The following ANO7 variants were observed in gnomAD, a reference collection of about 807,000 sequenced individuals.
ANO7 encodes anoctamin 7.
A neutral mutation model predicts 115.8 loss-of-function variants in ANO7; 114 were observed. The observed-to-expected ratio is 0.98, with a 90% CI of 0.85 to 1.15. The LOEUF is 1.15. ANO7 is among the 50% of genes most tolerant of loss of function. The probability of loss-of-function intolerance (pLI) is 0.00; values close to 1 mark genes in which losing one functional copy is unlikely to be tolerated. For synonymous variants in ANO7, 550 were observed against 498.2 expected (o/e 1.10, Z -1.38); for missense variants, 1,302 against 1,201.2 (o/e 1.08, Z -1.24).
At position 241,224,383 on chromosome 2, in the gene ANO7, T is replaced by C. The variant is rs1309208767; in HGVS notation, c.*230T>C. The C allele has an allele frequency of 7.1e-6, 4 of 567,122 alleles. No individual in the cohort carries two copies. Among genetic ancestry groups the C allele is most frequent in the Non-Finnish European group, 1.3e-5 (4 of 319,642 alleles). 35.1% of individuals were successfully genotyped at this position (567,122 alleles called of 1,614,324 possible). On this transcript the variant is annotated 3_prime_UTR_variant, in exon 25 of 25. Coordinates refer to ENST00000674324, the MANE Select transcript of ANO7 (RefSeq NM_001370694.2). The stretch of plus-strand genomic sequence containing the variant: ...CGTCAGCTCACAAGGCCCTCTTTGT[T>C]TCCTGCTCCCAGACATAAGCCCAAG...
At chr2:241,219,451 G>A (rs1462374078) in intron 21 of ANO7, among the ~76,000 whole-genome samples, 3 of 151,936 alleles carry the variant, frequency 2.0e-5, no homozygotes, top group Non-Finnish European at 2.9e-5. Context: ...ACTTCTGGTG[G>A]ATGGGTAAAA....
chr2:241,219,556 A>C (rs2068957614), intron 21 of ANO7, among the ~76,000 whole-genome samples: 1 of 151,518 alleles, frequency 6.6e-6, no homozygotes, highest in African/African-American at 2.4e-5. Flanking sequence ...TATGTTTAGC[A>C]TACATTCTTT....
At chr2:241,216,865 CCTCT>C (rs1158484591) in intron 19 of ANO7, among the ~76,000 whole-genome samples, 6 of 152,162 alleles carry the variant, frequency 3.9e-5, no homozygotes, top group African/African-American at 1.4e-4. Context: ...ACGGAGTCTC[CCTCT>C]GTCGCCCAGG....
chr2:241,229,784 G>GGCCCCCCCCCCCCCC, downstream of ANO7: 1 of 1,502,548 alleles, frequency 6.7e-7, no homozygotes. Flanking sequence ...AAGCCCGCCT[G>GGCCCCCCCCCCCCCC]CCCGCCCACC....
chr2:241,212,258 C>A, intron 16 of ANO7, 53 bp downstream of exon 16: 2 of 1,507,102 alleles, frequency 1.3e-6, no homozygotes, highest in South Asian at 1.1e-5. Flanking sequence ...TAGTTCTGCT[C>A]ATGTTTCCCG....
downstream of ANO7, chr2:241,229,826 A>C (rs1559468436): frequency 2.0e-6 from 2 of 998,254 alleles, no homozygotes; most frequent in African/African-American, 1.8e-5. Context: ...AGAAGCCCGC[A>C]TCTGACCTTC....
At position 241,199,331 on chromosome 2, in the gene ANO7, G is replaced by A. The variant is rs777601769; in HGVS notation, c.325G>A (p.Gly109Arg). ...LCVDQQDVQD[G>R]NTTVHYALLS... is the part of the protein sequence containing the mutation. ...GTGCCTACAGCAGGACGTCCAGGAC[G>A]GGAACACCACAGTGCACTACGCCCT... The change falls in exon 5 of 25, where the codon GGG becomes AGG. Residue 109 changes from glycine (G) to arginine (R), a missense_variant. Coordinates refer to ENST00000674324, the MANE Select transcript of ANO7 (RefSeq NM_001370694.2). 34 of 1,613,554 alleles carry A rather than the reference G, an allele frequency of 2.1e-5. No homozygotes were observed. In the Middle Eastern group the frequency reaches 4.9e-4, roughly 23 times the overall value.
Position 241,210,369 on chromosome 2 carries a change from G to T in ANO7, c.1434G>T (p.Ser478=). The change falls in exon 14 of 25, where the codon TCG becomes TCT. Residue 478 remains serine, a synonymous_variant. Coordinates refer to ENST00000674324, the MANE Select transcript of ANO7 (RefSeq NM_001370694.2). The part of the protein sequence containing the change: ...RAIMAIVVSR[S]GNTLLAAWAS... ...TCATGGCCATCGTGGTGTCCAGGTCGGGCAACACCCTTCTCGCAGCCTGGG... is the reference window on the plus strand; with the variant it reads ...TCATGGCCATCGTGGTGTCCAGGTCTGGCAACACCCTTCTCGCAGCCTGGG... 6.2e-7 allele frequency: 1 copy of T among 1,614,034 alleles called. No homozygotes were observed.
At chr2:241,222,471 A>T (rs1032510994) in intron 21 of ANO7, among the ~76,000 whole-genome samples, 3 of 151,732 alleles carry the variant, frequency 2.0e-5, no homozygotes, top group Admixed American at 6.6e-5. Flanking sequence ...TCTCGTCGTC[A>T]CTGTCTCCCA....
In ANO7 at chr2:241,203,754, G is replaced by A. The variant is rs13410224; in HGVS notation, c.889+256G>A. Among the ~76,000 whole-genome samples, 35,956 of 151,782 alleles carry A rather than the reference G, an allele frequency of 0.24. 4,458 individuals carry two copies. Among genetic ancestry groups the A allele is most frequent in the Non-Finnish European group, 0.27 (18,008 of 67,852 alleles). On this transcript the variant is annotated intron_variant, in intron 9 of 24. Transcript: ENST00000674324. This position sits in a 1 kb window ranked among gnomAD's most constrained non-coding sequence, Gnocchi z 4.8. ...CTGAGAGCCGCTTCTGCTGGTGGGG[G>A]TCTCTCCTGACTCCCTCCCCGAATG...
At chr2:241,236,476 C>T in the ANO7 span, 6 of 832,678 alleles carry the variant, frequency 7.2e-6, no homozygotes, top group South Asian at 6.4e-5. Context: ...AGCCCGTGCG[C>T]ACACGGTAGG....
At chr2:241,190,239 C>A (rs1432873625) in intron 2 of ANO7, 68 bp downstream of exon 2, 1 of 1,375,764 alleles carries the variant, frequency 7.3e-7, no homozygotes. Flanking sequence ...ATGCCCCCAC[C>A]CTGGGCCCAG....
At chr2:241,239,510 C>CATACAGTATGAG in the ANO7 span, 1 of 1,029,994 alleles carries the variant, frequency 9.7e-7, no homozygotes. The surrounding 1 kb of genome is among the most constrained non-coding windows in gnomAD (Gnocchi z 4.6). Flanking sequence ...GAGGGAGTCA[C>CATACAGTATGAG]CTCCCTACAG....
At position 241,223,678 on chromosome 2, in the gene ANO7, T is replaced by C. The variant is rs780182086; in HGVS notation, c.2429T>C (p.Val810Ala). Reference protein sequence around the residue: ...VIVFEHVVFSVGRLLDLLVPD... With the variant: ...VIVFEHVVFSAGRLLDLLVPD... ...TGCTCCCAGCATGTGGTTTTCTCCGTTGGCCGCCTCCTGGACCTCCTGGTG... is the reference window on the plus strand; with the variant it reads ...TGCTCCCAGCATGTGGTTTTCTCCGCTGGCCGCCTCCTGGACCTCCTGGTG... Residue 810 changes from valine to alanine, a missense_variant, in exon 23 of 25, where the codon GTT becomes GCT. By Grantham distance (64) the Val-to-Ala change is moderately conservative. Transcript: ENST00000674324. 2 of 1,613,230 alleles carry C rather than the reference T, an allele frequency of 1.2e-6. No homozygotes were observed. Among genetic ancestry groups the C allele is most frequent in the Non-Finnish European group, 1.7e-6 (2 of 1,179,622 alleles).
intron 13 of ANO7, among the ~76,000 whole-genome samples, chr2:241,209,856 G>A (rs2068681049): frequency 6.6e-6 from 1 of 152,172 alleles, no homozygotes; most frequent in Admixed American, 6.5e-5. Context: ...CTCCCCGTGG[G>A]TGCGGGCATG....
Position 241,210,456 on chromosome 2 carries a change from G to T in ANO7, c.1459-12G>T. 6.2e-7 allele frequency: 1 copy of T among 1,613,832 alleles called. No individual in the cohort carries two copies. The highest frequency in any genetic ancestry group is 1.1e-5 in the South Asian group (1 of 91,088). On this transcript the variant is annotated splice_polypyrimidine_tract_variant and intron_variant, in intron 14 of 24. Transcript: ENST00000674324. ...GCCCCTCATCCGGCTCTGACGGCCTGTCTCCCGTTAGGCCTCTCGCATCGC... is the reference window on the plus strand; with the variant it reads ...GCCCCTCATCCGGCTCTGACGGCCTTTCTCCCGTTAGGCCTCTCGCATCGC...
At position 241,218,351 on chromosome 2, in the gene ANO7, CCTT is replaced by C; in HGVS notation, c.2293_2295del (p.Phe765del). 1.4e-6 allele frequency: 2 copies of C among 1,478,676 alleles called. No individual in the cohort carries two copies. Among genetic ancestry groups the C allele is most frequent in the South Asian group, 1.3e-5 (1 of 79,020 alleles). 91.6% of individuals were successfully genotyped at this position (1,478,676 alleles called of 1,614,324 possible). A position where few individuals can be genotyped will look rare whatever the true frequency, so the allele number is the denominator to read the frequency against. ...TTCACGCTGGCGCGAGCCCCGTCCT[CCTT>C]CGCCGCCGCGCACAACCGCACGTGC... On this transcript the variant is annotated inframe_deletion, in exon 21 of 25. Coordinates refer to ENST00000674324, the MANE Select transcript of ANO7 (RefSeq NM_001370694.2).
the ANO7 span, chr2:241,240,065 T>C: frequency 1.9e-6 from 3 of 1,614,062 alleles, no homozygotes; most frequent in African/African-American, 4.0e-5. The surrounding 1 kb of genome is among the most constrained non-coding windows in gnomAD (Gnocchi z 5.5). Flanking sequence ...CCCTTGCCGA[T>C]GAGGAATTTG....
Position 241,209,528 on chromosome 2 carries a change from GC to G in ANO7, c.1257del (p.Met420Ter). ...GCCTCGGCCCCAGTTTGCCGCCTCAGCCCCCATGACAGCCCCGAACCCCATC... is the reference window on the plus strand; with the variant it reads ...GCCTCGGCCCCAGTTTGCCGCCTCAGCCCCATGACAGCCCCGAACCCCATC... ...ERPRPQFAAS[A>X]PMTAPNPITG... On this transcript the variant is annotated frameshift_variant, in exon 13 of 25. Transcript: ENST00000674324. LOFTEE classifies it high-confidence loss of function. 1 of 1,593,260 alleles carries G rather than the reference GC, an allele frequency of 6.3e-7. No individual in the cohort carries two copies. The highest frequency in any genetic ancestry group is 8.5e-7 in the Non-Finnish European group (1 of 1,169,932).
Sources: gnomAD v4.1 joint callset for allele counts (sites outside exome capture counted in the v4.1 genomes callset) on GRCh38, gnomAD v4.1.1 for gene constraint, Gnocchi (gnomAD v3.1) non-coding constraint, MANE v1.5 for transcripts, NCBI Gene and HGNC (gene_info 2026-07-23, HGNC 2026-07-21) for gene names.